Variants in LIMCH1 observed in about 807,000 individuals in gnomAD.
The protein encoded by LIMCH1 is LIM and calponin homology domains 1.
A neutral mutation model predicts 176.5 loss-of-function variants in LIMCH1; 113 were observed. The ratio of observed to expected loss-of-function variants is 0.64; its 90% CI spans 0.55 to 0.75. The LOEUF (loss-of-function observed/expected upper bound fraction) is 0.75, where lower values mean the gene tolerates loss of function less well. Among genes scored for constraint, LIMCH1 ranks in the 30% least tolerant of loss-of-function variants. The pLI, the probability that LIMCH1 is intolerant of heterozygous loss-of-function variation, is 0.00. For synonymous variants in LIMCH1, 619 were observed against 645.9 expected (o/e 0.96, Z 0.63); for missense variants, 1,674 against 1,814.9 (o/e 0.92, Z 1.41).
At chr4:41,555,628 A>T (rs1221707123) in intron 1 of LIMCH1, among the ~76,000 whole-genome samples, 1 of 152,234 alleles carries the variant, frequency 6.6e-6, no homozygotes, top group African/African-American at 2.4e-5. Context: ...CTTATCTTCT[A>T]ATGAGAAAAC....
At chr4:41,413,943 C>T (rs2059706427) in intron 1 of LIMCH1, among the ~76,000 whole-genome samples, 2 of 152,056 alleles carry the variant, frequency 1.3e-5, no homozygotes, top group Admixed American at 1.3e-4. Flanking sequence ...TTAACGCAGA[C>T]CTTAAAGGGG....
chr4:41,542,896 T>C (rs549416436), intron 1 of LIMCH1, among the ~76,000 whole-genome samples: 2 of 152,348 alleles, frequency 1.3e-5, no homozygotes, highest in African/African-American at 4.8e-5. Flanking sequence ...AATTGTAACA[T>C]TGTCCTCACA....
intron 1 of LIMCH1, among the ~76,000 whole-genome samples, chr4:41,387,784 T>G (rs1282640432): frequency 6.6e-6 from 1 of 152,238 alleles, no homozygotes; most frequent in Non-Finnish European, 1.5e-5. Flanking sequence ...TCACAAATTT[T>G]GCCAGTCAAA....
rs2093707849 is a variant in LIMCH1 at position 41,638,987 on chromosome 4, T to C, written c.2126+20T>C. ...CGCAGAGTAAGTTGCCTTGTATTTG[T>C]AGGATTACATTAATTACTAGCCTAA... On this transcript the variant is annotated intron_variant, in intron 14 of 31. Coordinates refer to ENST00000503057, the MANE Select transcript of LIMCH1 (RefSeq NM_001330672.2). 12 of 1,557,436 alleles carry C rather than the reference T, an allele frequency of 7.7e-6. No individual in the cohort carries two copies. The highest frequency in any genetic ancestry group is 1.0e-5 in the Non-Finnish European group (12 of 1,154,062).
intron 20 of LIMCH1, among the ~76,000 whole-genome samples, chr4:41,666,057 T>G (rs949853069): frequency 6.6e-6 from 1 of 152,236 alleles, no homozygotes; most frequent in Non-Finnish European, 1.5e-5. Context: ...CAAAGTATAC[T>G]GTCTTTAATG....
chr4:41,639,753 A>G (rs2152905650), intron 14 of LIMCH1, among the ~76,000 whole-genome samples: 1 of 152,328 alleles, frequency 6.6e-6, no homozygotes, highest in Admixed American at 6.5e-5. Flanking sequence ...CTCAGATTCA[A>G]GTAATTTGTA....
intron 2 of LIMCH1, among the ~76,000 whole-genome samples, chr4:41,503,725 T>C (rs1262991749): frequency 6.6e-6 from 1 of 152,208 alleles, no homozygotes; most frequent in Non-Finnish European, 1.5e-5. Context: ...CCAAAATCTA[T>C]AGATCACTCC....
At chr4:41,537,041 T>G (rs1436739114), upstream of LIMCH1, among the ~76,000 whole-genome samples, 1 of 152,156 alleles carries the variant, frequency 6.6e-6, no homozygotes, top group South Asian at 2.1e-4. Flanking sequence ...AAATAAAAAG[T>G]TCACTTAAAG....
chr4:41,431,964 T>G (rs2061640034), intron 1 of LIMCH1, among the ~76,000 whole-genome samples: 1 of 152,236 alleles, frequency 6.6e-6, no homozygotes, highest in South Asian at 2.1e-4. Context: ...CTTTTTTCTA[T>G]GAAATCATAA....
chr4:41,662,013 T>A, intron 19 of LIMCH1: 1 of 290,984 alleles, frequency 3.4e-6, no homozygotes, highest in Non-Finnish European at 6.8e-6. Flanking sequence ...TTCCTCAATA[T>A]TTTTTTGCAG....
chr4:41,545,664 G>A (rs1374631701), intron 1 of LIMCH1, among the ~76,000 whole-genome samples: 1 of 152,124 alleles, frequency 6.6e-6, no homozygotes, highest in African/African-American at 2.4e-5. Flanking sequence ...GCTACCTGAT[G>A]TTTTATTAAA....
At chr4:41,619,551 G>A in intron 6 of LIMCH1, 111 bp downstream of exon 6, 2 of 1,362,150 alleles carry the variant, frequency 1.5e-6, no homozygotes, top group Non-Finnish European at 2.0e-6. Context: ...TTTGATGGAA[G>A]ATTACAGATG....
At chr4:41,424,364 C>G (rs566356071) in intron 1 of LIMCH1, among the ~76,000 whole-genome samples, 1 of 152,296 alleles carries the variant, frequency 6.6e-6, no homozygotes, top group Admixed American at 6.5e-5. Context: ...AATGAAACCA[C>G]CTGAATTACA....
At chr4:41,536,664 A>G (rs1350652960), upstream of LIMCH1, among the ~76,000 whole-genome samples, 1 of 152,192 alleles carries the variant, frequency 6.6e-6, no homozygotes, top group Non-Finnish European at 1.5e-5. Context: ...CATGGAAAGA[A>G]TATCAGACAA....
chr4:41,625,729 C>CAA (rs1289717213), intron 7 of LIMCH1, among the ~76,000 whole-genome samples: 2 of 152,188 alleles, frequency 1.3e-5, no homozygotes, highest in African/African-American at 4.8e-5. Context: ...ACGGAATTTG[C>CAA]AGCCTGGCTG....
intron 1 of LIMCH1, among the ~76,000 whole-genome samples, chr4:41,416,260 C>G (rs535409216): frequency 6.6e-6 from 1 of 152,138 alleles, no homozygotes; most frequent in South Asian, 2.1e-4. Flanking sequence ...TTTCAAAATG[C>G]CAGGCAATAG....
chr4:41,385,737 T>G (rs2056406595), intron 1 of LIMCH1: 1 of 152,220 alleles, frequency 6.6e-6, no homozygotes, highest in Non-Finnish European at 1.5e-5. Flanking sequence ...AAGAATGGGT[T>G]TGATGCCCTG....
At position 41,417,147 on chromosome 4, in the gene LIMCH1, CTATGCTATAGGCATTGTTTCTTTGTGAG is replaced by C. The variant is rs2060017195; in HGVS notation, c.96+56212_96+56239del. Among the ~76,000 whole-genome samples the C allele has an allele frequency of 2.0e-5, 3 of 150,804 alleles. No homozygotes were observed. In the South Asian group the frequency reaches 6.4e-4, roughly 32 times the overall value. ...GCATTGTTTCTTTGTGAGGGGTTAT[CTATGCTATAGGCATTGTTTCTTTGTGAG>C]GGGTTATCTATGATATGGGAACACA... On this transcript the variant is annotated intron_variant, in intron 1 of 26. Coordinates refer to the LIMCH1 transcript ENST00000313860.
intron 1 of LIMCH1, among the ~76,000 whole-genome samples, chr4:41,491,209 G>A (rs2070858938): frequency 6.7e-6 from 1 of 148,240 alleles, no homozygotes; most frequent in South Asian, 2.2e-4. Flanking sequence ...GAGTGGCCAG[G>A]CAGAGGCGCC....
Sources: gnomAD v4.1 joint callset for allele counts (sites outside exome capture counted in the v4.1 genomes callset) on GRCh38, gnomAD v4.1.1 for gene constraint, MANE v1.5 for transcripts, NCBI Gene and HGNC (gene_info 2026-07-23, HGNC 2026-07-21) for gene names.